Variants in ATRNL1 observed in about 807,000 individuals in gnomAD.
The protein encoded by ATRNL1 is attractin-like protein 1.
A neutral mutation model predicts 182.7 loss-of-function variants in ATRNL1; 95 were observed. The observed-to-expected ratio is 0.52, with a 90% CI of 0.44 to 0.62. ATRNL1 has a LOEUF of 0.62. ATRNL1 is among the 20% of genes least tolerant of loss of function. The pLI is 0.00. For synonymous variants in ATRNL1, 576 were observed against 568.3 expected (o/e 1.01, Z -0.19); for missense variants, 1,471 against 1,679.5 (o/e 0.88, Z 2.17).
chr10:115,233,502 T>A (rs1554900507), intron 9 of ATRNL1, among the ~76,000 whole-genome samples: 1 of 152,160 alleles, frequency 6.6e-6, no homozygotes, highest in Admixed American at 6.5e-5. Flanking sequence ...CCTTTCTGGG[T>A]CTTACAGCTT....
chr10:115,435,307 G>A (rs1378211187), intron 21 of ATRNL1, among the ~76,000 whole-genome samples: 1 of 152,022 alleles, frequency 6.6e-6, no homozygotes, highest in Non-Finnish European at 1.5e-5. Context: ...CCTTTAAGAG[G>A]TGACTAGGCC....
At chr10:115,821,729 G>A (rs528309957) in intron 27 of ATRNL1, among the ~76,000 whole-genome samples, 21 of 152,304 alleles carry the variant, frequency 1.4e-4, no homozygotes, top group Admixed American at 6.5e-4. Context: ...AACAAGAAGA[G>A]CTAACTATCC....
rs1435975078 is a variant in ATRNL1 at position 115,582,362 on chromosome 10, CAGTGTAAA to C, written c.3795+32832_3795+32839del. ...TTGAACTAGTTTACAGTCCCACCAA[CAGTGTAAA>C]AGTGTTCCTATTTCTCCACATCCTC... On this transcript the variant is annotated intron_variant, in intron 26 of 28. Transcript: ENST00000355044. 4.7e-3 allele frequency among the ~76,000 whole-genome samples: 667 copies of C among 140,734 alleles called. 1 individual carries two copies. The highest frequency in any genetic ancestry group is 0.014 in the Middle Eastern group (4 of 278). The allele number at this position is 140,734 out of a possible 152,430, so 92.3% of individuals were successfully genotyped here. A position where few individuals can be genotyped will look rare whatever the true frequency, so the allele number is the denominator to read the frequency against.
chr10:115,380,667 T>C (rs1253819145), intron 19 of ATRNL1, among the ~76,000 whole-genome samples: 1 of 152,228 alleles, frequency 6.6e-6, no homozygotes, highest in African/African-American at 2.4e-5. Context: ...TCATGTAGTG[T>C]AATAAAGGTT....
intron 24 of ATRNL1, among the ~76,000 whole-genome samples, chr10:115,504,442 G>C (rs1286263464): frequency 1.7e-4 from 26 of 152,088 alleles, no homozygotes; most frequent in African/African-American, 5.8e-4. Flanking sequence ...AGAATTAGAA[G>C]TTATGGTAAT....
intron 5 of ATRNL1, among the ~76,000 whole-genome samples, chr10:115,143,393 T>C (rs1845830174): frequency 6.6e-6 from 1 of 151,060 alleles, no homozygotes; most frequent in Non-Finnish European, 1.5e-5. Flanking sequence ...AGAACCAAGG[T>C]CTTAAATCTT....
intron 9 of ATRNL1, 119 bp downstream of exon 9, chr10:115,215,999 T>C: frequency 1.4e-6 from 1 of 706,622 alleles, no homozygotes. Flanking sequence ...AATGCTGATA[T>C]CGTCTTAATT....
intron 18 of ATRNL1, among the ~76,000 whole-genome samples, chr10:115,326,178 G>A (rs945971848): frequency 6.6e-6 from 1 of 152,148 alleles, no homozygotes; most frequent in Admixed American, 6.5e-5. Flanking sequence ...TGTATATCGA[G>A]AAAACCCTAT....
intron 28 of ATRNL1, among the ~76,000 whole-genome samples, chr10:115,870,868 C>A (rs1951562887): frequency 6.6e-6 from 1 of 152,072 alleles, no homozygotes; most frequent in Non-Finnish European, 1.5e-5. Flanking sequence ...TAGTTCTTTT[C>A]TTTATAGTTG....
chr10:115,623,674 A>G (rs2804244), intron 26 of ATRNL1, among the ~76,000 whole-genome samples: 94,788 of 151,838 alleles, frequency 0.62, 30,692 homozygotes, highest in East Asian at 0.96. Flanking sequence ...GGGGGTAAAC[A>G]AATACCACAA....
intron 7 of ATRNL1, among the ~76,000 whole-genome samples, chr10:115,170,337 C>T (rs782697957): frequency 6.6e-6 from 1 of 152,046 alleles, no homozygotes; most frequent in African/African-American, 2.4e-5. Context: ...TAATTTACAT[C>T]ATTTATGTAC....
chr10:115,550,503 A>T (rs1244748762), intron 26 of ATRNL1, among the ~76,000 whole-genome samples: 3 of 151,874 alleles, frequency 2.0e-5, no homozygotes, highest in Non-Finnish European at 3.0e-5. Context: ...AAAGATCAGT[A>T]CTATCTATAA....
intron 14 of ATRNL1, among the ~76,000 whole-genome samples, chr10:115,284,726 G>A (rs1852525391): frequency 6.6e-6 from 1 of 152,092 alleles, no homozygotes; most frequent in Admixed American, 6.5e-5. Flanking sequence ...GCTATCTGTT[G>A]TATGCTATTC....
intron 13 of ATRNL1, among the ~76,000 whole-genome samples, chr10:115,270,344 TACAG>T (rs1851797447): frequency 5.5e-5 from 8 of 145,538 alleles, no homozygotes; most frequent in East Asian, 2.0e-4. Flanking sequence ...ATATATTATA[TACAG>T]ATATATAAAC....
chr10:115,569,973 T>A (rs1854296834), intron 26 of ATRNL1, among the ~76,000 whole-genome samples: 1 of 152,144 alleles, frequency 6.6e-6, no homozygotes, highest in South Asian at 2.1e-4. Flanking sequence ...TACAGCTGTA[T>A]CTTCACATGG....
intron 21 of ATRNL1, among the ~76,000 whole-genome samples, chr10:115,450,284 C>T (rs911745083): frequency 1.5e-4 from 23 of 152,220 alleles, no homozygotes; most frequent in African/African-American, 5.3e-4. Context: ...CTAGCCAGAG[C>T]AATCAGGCAA....
intron 26 of ATRNL1, among the ~76,000 whole-genome samples, chr10:115,588,890 A>G (rs944518729): frequency 1.3e-5 from 2 of 152,228 alleles, no homozygotes; most frequent in Non-Finnish European, 2.9e-5. Context: ...TTGGGACAGA[A>G]TGGTAGATAT....
At chr10:115,245,033 G>T (rs1474711286) in intron 10 of ATRNL1, among the ~76,000 whole-genome samples, 3 of 151,830 alleles carry the variant, frequency 2.0e-5, no homozygotes, top group Non-Finnish European at 4.4e-5. Context: ...TGAACATAGT[G>T]GTTTACTTAT....
At chr10:115,520,052 G>T (rs148937813) in intron 25 of ATRNL1, among the ~76,000 whole-genome samples, 1 of 152,122 alleles carries the variant, frequency 6.6e-6, no homozygotes, top group Non-Finnish European at 1.5e-5. Context: ...TATTATTCAC[G>T]TGTGAAGTTT....
Sources: gnomAD v4.1 joint callset for allele counts (sites outside exome capture counted in the v4.1 genomes callset) on GRCh38, gnomAD v4.1.1 for gene constraint, MANE v1.5 for transcripts, NCBI Gene and HGNC (gene_info 2026-07-23, HGNC 2026-07-21) for gene names.